Variants in VOPP1 observed in about 807,000 individuals in gnomAD.
VOPP1 encodes VOPP1 WW domain binding protein, also known as WW domain binding protein VOPP1.
VOPP1 carries 8 observed loss-of-function variants against 23.5 expected under a neutral mutation model. The ratio of observed to expected loss-of-function variants is 0.34; its 90% CI spans 0.20 to 0.61. The LOEUF is 0.61. VOPP1 is among the 20% of genes least tolerant of loss of function. The pLI is 0.78. For synonymous variants in VOPP1, 83 were observed against 97.3 expected, an observed-to-expected ratio of 0.85 and a Z score of 0.86; for missense variants, 174 against 238.1, an observed-to-expected ratio of 0.73 and a Z score of 1.77.
downstream of VOPP1, among the ~76,000 whole-genome samples, chr7:55,468,676 C>T (rs527573302): frequency 4.8e-4 from 73 of 152,360 alleles, no homozygotes; most frequent in Middle Eastern, 0.02. Flanking sequence ...GGCGGGGCCG[C>T]GTCAGCTGCA....
At chr7:55,514,352 G>A (rs1365165606) in intron 2 of VOPP1, among the ~76,000 whole-genome samples, 2 of 152,226 alleles carry the variant, frequency 1.3e-5, no homozygotes, top group Admixed American at 6.5e-5. Flanking sequence ...ATCTAGCACA[G>A]GAAACGGGGG....
Position 55,531,350 on chromosome 7 carries a change from A to ATT in VOPP1, c.55-10222_55-10221dup, listed in dbSNP as rs11372931. Among the ~76,000 whole-genome samples, 714 of 141,014 alleles carry ATT rather than the reference A, an allele frequency of 5.1e-3. 8 individuals carry two copies. Among genetic ancestry groups the ATT allele is most frequent in the East Asian group, 0.023 (109 of 4,800 alleles). 92.5% of individuals were successfully genotyped at this position (141,014 alleles called of 152,430 possible). A position where few individuals can be genotyped will look rare whatever the true frequency, so the allele number is the denominator to read the frequency against. On this transcript the variant is annotated intron_variant, in intron 1 of 4. Transcript: ENST00000285279. The stretch of plus-strand genomic sequence containing the variant: ...GCTCTCCTTAAAGGCCTAATCCAGA[A>ATT]TTTTTTTTTTTTTTTTTGAGAGGGA...
At chr7:55,461,666 T>A (rs2129003710) in intron 4 of VOPP1, among the ~76,000 whole-genome samples, 1 of 152,330 alleles carries the variant, frequency 6.6e-6, no homozygotes, top group East Asian at 1.9e-4. Context: ...TCCACCCACC[T>A]CAGCCTCCCA....
intron 1 of VOPP1, among the ~76,000 whole-genome samples, chr7:55,563,529 T>C (rs752756904): frequency 1.6e-4 from 25 of 152,244 alleles, no homozygotes; most frequent in Non-Finnish European, 3.1e-4. Context: ...GAAGTGTTTT[T>C]GGATTTTGCA....
intron 2 of VOPP1, among the ~76,000 whole-genome samples, chr7:55,504,928 A>C (rs993709253): frequency 1.2e-4 from 19 of 152,198 alleles, no homozygotes. Context: ...AAAACTTCCA[A>C]GTTCTTCTCA....
intron 1 of VOPP1, chr7:55,538,494 A>G: frequency 1.1e-6 from 1 of 881,022 alleles, no homozygotes; most frequent in South Asian, 1.9e-5. Context: ...GGCTACACAA[A>G]CCACACAAAA....
At chr7:55,531,755 C>T (rs959000501) in intron 1 of VOPP1, among the ~76,000 whole-genome samples, 9 of 152,244 alleles carry the variant, frequency 5.9e-5, no homozygotes, top group South Asian at 2.1e-4. Context: ...TTTGGGCACC[C>T]GGCTTTGATG....
chr7:55,437,109 A>G (rs1295588356), intron 4 of VOPP1, among the ~76,000 whole-genome samples: 1 of 152,216 alleles, frequency 6.6e-6, no homozygotes, highest in African/African-American at 2.4e-5. Context: ...CTTTCAGACC[A>G]TTCCTAATGG....
intron 1 of VOPP1, among the ~76,000 whole-genome samples, chr7:55,528,526 A>C (rs1391880985): frequency 1.3e-5 from 2 of 152,174 alleles, no homozygotes; most frequent in African/African-American, 4.8e-5. Context: ...CTGTACTAAA[A>C]ATACAAAAAT....
At chr7:55,462,921 A>G (rs1450147546) in intron 4 of VOPP1, among the ~76,000 whole-genome samples, 1 of 151,976 alleles carries the variant, frequency 6.6e-6, no homozygotes, top group African/African-American at 2.4e-5. Context: ...CTCCCAATAT[A>G]TTTTTAACTT....
At chr7:55,498,794 A>G (rs1395692210) in intron 2 of VOPP1, among the ~76,000 whole-genome samples, 3 of 152,118 alleles carry the variant, frequency 2.0e-5, no homozygotes, top group Non-Finnish European at 4.4e-5. Context: ...TGTGTAGAAA[A>G]CTAGTTAAGA....
At chr7:55,538,455 C>G (rs1214997425) in intron 1 of VOPP1, among the ~76,000 whole-genome samples, 1 of 152,180 alleles carries the variant, frequency 6.6e-6, no homozygotes. Flanking sequence ...AATACCCTCT[C>G]AAAATCTAAA....
intron 4 of VOPP1, among the ~76,000 whole-genome samples, chr7:55,490,813 C>G (rs1415459646): frequency 6.6e-6 from 1 of 152,200 alleles, no homozygotes; most frequent in Non-Finnish European, 1.5e-5. Flanking sequence ...GTTTAAGGCA[C>G]AGCTCTCAGT....
At chr7:55,504,580 C>G (rs764153042) in intron 2 of VOPP1, among the ~76,000 whole-genome samples, 1 of 152,252 alleles carries the variant, frequency 6.6e-6, no homozygotes, top group African/African-American at 2.4e-5. Flanking sequence ...TCCCCTCCAA[C>G]CTGCCCAGGC....
intron 4 of VOPP1, among the ~76,000 whole-genome samples, chr7:55,459,754 C>T (rs551031494): frequency 2.6e-5 from 4 of 151,926 alleles, no homozygotes; most frequent in African/African-American, 9.6e-5. Context: ...ACTCTTCTTC[C>T]TTTTTTCATG....
chr7:55,560,276 G>A (rs1250567173), intron 1 of VOPP1, among the ~76,000 whole-genome samples: 1 of 152,170 alleles, frequency 6.6e-6, no homozygotes, highest in Non-Finnish European at 1.5e-5. Context: ...CCACAAAGAT[G>A]TCATCGTCCT....
chr7:55,445,991 CTTTTT>C (rs3066310), intron 4 of VOPP1, among the ~76,000 whole-genome samples: 1 of 128,336 alleles, frequency 7.8e-6, no homozygotes, highest in African/African-American at 2.9e-5. Context: ...CCAGGTGAAA[CTTTTT>C]TTTTTTTTTT....
chr7:55,543,041 G>A (rs918964938), intron 1 of VOPP1, among the ~76,000 whole-genome samples: 26 of 151,810 alleles, frequency 1.7e-4, no homozygotes, highest in Non-Finnish European at 7.4e-5. Context: ...TCAGCCTCTC[G>A]AGTAGCTGGG....
In VOPP1 at chr7:55,525,397, G is replaced by A. The variant is rs189045317; in HGVS notation, c.55-4267C>T. Among the ~76,000 whole-genome samples the A allele has an allele frequency of 5.3e-5, 8 of 151,806 alleles. No homozygotes were observed. In the South Asian group the frequency reaches 1.5e-3, roughly 28 times the overall value. ...CCAGCTACTCAGGAGACTGAGTCAG[G>A]AGAATGGCGTGAACTCGGGAGGCGG... On this transcript the variant is annotated intron_variant, in intron 1 of 4. Coordinates refer to ENST00000285279, the MANE Select transcript of VOPP1 (RefSeq NM_030796.5).
Sources: gnomAD v4.1 joint callset for allele counts (sites outside exome capture counted in the v4.1 genomes callset) on GRCh38, gnomAD v4.1.1 for gene constraint, MANE v1.5 for transcripts, NCBI Gene and HGNC (gene_info 2026-07-23, HGNC 2026-07-21) for gene names.